TRIM37: variants seen among roughly 807,000 people sequenced by gnomAD.
TRIM37 encodes tripartite motif containing 37, also known as E3 ubiquitin-protein ligase TRIM37.
A neutral mutation model predicts 129.8 loss-of-function variants in TRIM37; 80 were observed. The ratio of observed to expected loss-of-function variants is 0.62; its 90% CI spans 0.51 to 0.74. TRIM37 has a LOEUF of 0.74. Ranked by LOEUF, TRIM37 falls within the 30% of genes least tolerant of loss-of-function variation. The pLI, the probability that TRIM37 is intolerant of heterozygous loss-of-function variation, is 0.00. For synonymous variants in TRIM37, 389 were observed against 387.1 expected (o/e 1.00, Z -0.06); for missense variants, 1,054 against 1,176.5 (o/e 0.90, Z 1.52).
intron 22 of TRIM37, among the ~76,000 whole-genome samples, chr17:59,009,954 T>C (rs1218401244): frequency 1.3e-5 from 2 of 152,246 alleles, no homozygotes; most frequent in Admixed American, 6.5e-5. Context: ...GAGCTGCCTA[T>C]AAACCTTATC....
intron 21 of TRIM37, among the ~76,000 whole-genome samples, chr17:59,013,301 G>A (rs1163715597): frequency 2.0e-5 from 3 of 151,936 alleles, no homozygotes; most frequent in African/African-American, 4.8e-5. Context: ...CCAGCACCAC[G>A]CCCGGCAATT....
At position 58,998,348 on chromosome 17, in the gene TRIM37, T is replaced by C. The variant is rs1005760604; in HGVS notation, c.*1029A>G. 4 of 985,378 alleles carry C rather than the reference T, an allele frequency of 4.1e-6. No homozygotes were observed. The East Asian group carries it at 3.4e-4, about 84-fold the overall frequency. The allele number at this position is 985,378 out of a possible 1,614,324, so 61.0% of individuals were successfully genotyped here. A position where few individuals can be genotyped will look rare whatever the true frequency, so the allele number is the denominator to read the frequency against. Reference sequence around the variant, plus strand: ...TACAGCAGATGAGATGTCTCTCACATGTATATTTAATTATTCATGCTTTTT... The same window carrying C: ...TACAGCAGATGAGATGTCTCTCACACGTATATTTAATTATTCATGCTTTTT... On this transcript the variant is annotated 3_prime_UTR_variant, in exon 24 of 24. Transcript: ENST00000262294.
At chr17:58,994,126 G>A (rs937897538), downstream of TRIM37, among the ~76,000 whole-genome samples, 1 of 152,120 alleles carries the variant, frequency 6.6e-6, no homozygotes, top group Non-Finnish European at 1.5e-5. Flanking sequence ...GCTTCTGTCA[G>A]AGAAAGGCAT....
downstream of TRIM37, chr17:58,982,252 T>C (rs1299980132): frequency 6.6e-6 from 1 of 152,560 alleles, no homozygotes; most frequent in Non-Finnish European, 1.5e-5. Flanking sequence ...ATTTGATATT[T>C]TGAAACTGTC....
Position 59,032,028 on chromosome 17 carries a change from C to G in TRIM37, c.1816G>C (p.Ala606Pro). The change falls in exon 18 of 24, where the codon GCT becomes CCT. Residue 606 changes from alanine to proline, a missense_variant. Around this residue, in one of 3 missense-constraint regions of TRIM37, gnomAD observed 752 missense variants for 870.8 expected, o/e 0.86. Coordinates refer to ENST00000262294, the MANE Select transcript of TRIM37 (RefSeq NM_015294.6). ...ATGTCTAGTAAACTACTGGTAGCAG[C>G]GGAGCATAAATGTGTTCTTCTTGAT... is the stretch of plus-strand genomic sequence containing the variant. ...RISRRTHLCS[A>P]ATSSLLDIDP... 1.2e-6 allele frequency: 2 copies of G among 1,614,068 alleles called. No homozygotes were observed. Among genetic ancestry groups the G allele is most frequent in the Non-Finnish European group, 1.7e-6 (2 of 1,180,002 alleles).
At chr17:59,017,845 C>T (rs1007900586) in intron 19 of TRIM37, among the ~76,000 whole-genome samples, 11 of 152,024 alleles carry the variant, frequency 7.2e-5, no homozygotes, top group Non-Finnish European at 1.5e-4. Flanking sequence ...GGCTGGGTCT[C>T]GAACACCTGA....
intron 6 of TRIM37, 67 bp downstream of exon 6, chr17:59,081,030 T>C: frequency 1.1e-6 from 1 of 926,818 alleles, no homozygotes; most frequent in Non-Finnish European, 1.4e-6. Context: ...TAACTTATAT[T>C]ATATAAATAT....
At chr17:58,978,527 A>G (rs1567899085), downstream of TRIM37, among the ~76,000 whole-genome samples, 1 of 152,106 alleles carries the variant, frequency 6.6e-6, no homozygotes, top group Non-Finnish European at 1.5e-5. Context: ...CCTGGCCAAT[A>G]TGGTGAAACC....
chr17:59,105,489 A>C (rs1354647343), intron 1 of TRIM37, among the ~76,000 whole-genome samples: 1 of 152,242 alleles, frequency 6.6e-6, no homozygotes, highest in East Asian at 1.9e-4. Flanking sequence ...TTAACAAGAA[A>C]AAGGATACAA....
chr17:59,023,271 T>C (rs990628339), intron 19 of TRIM37, among the ~76,000 whole-genome samples: 3 of 151,354 alleles, frequency 2.0e-5, no homozygotes, highest in Non-Finnish European at 4.4e-5. Flanking sequence ...AGACATGGGG[T>C]TTCTCCATGT....
At chr17:59,067,068 C>T (rs1052578761) in intron 9 of TRIM37, among the ~76,000 whole-genome samples, 1 of 152,130 alleles carries the variant, frequency 6.6e-6, no homozygotes, top group Non-Finnish European at 1.5e-5. Context: ...GAGACGCAGT[C>T]TCGCTCTGTC....
intron 22 of TRIM37, 45 bp from the exon 23 acceptor site, chr17:59,001,759 T>G: frequency 1.2e-6 from 2 of 1,609,878 alleles, no homozygotes; most frequent in Non-Finnish European, 1.7e-6. Context: ...GAAACCACTG[T>G]AAGTAAAAGG....
intron 13 of TRIM37, among the ~76,000 whole-genome samples, chr17:59,056,472 G>A (rs1375682939): frequency 1.3e-5 from 2 of 152,024 alleles, no homozygotes; most frequent in Admixed American, 6.6e-5. Flanking sequence ...GCTCACGCCT[G>A]TAATCCCAGC....
intron 20 of TRIM37, among the ~76,000 whole-genome samples, chr17:59,016,896 A>T (rs183385962): frequency 1.4e-4 from 22 of 152,264 alleles, no homozygotes; most frequent in African/African-American, 5.1e-4. Flanking sequence ...CTTTCCAGCC[A>T]GGTGTGGTGG....
intron 2 of TRIM37, among the ~76,000 whole-genome samples, chr17:59,103,387 G>C (rs2045697241): frequency 6.6e-6 from 1 of 151,978 alleles, no homozygotes; most frequent in Non-Finnish European, 1.5e-5. Flanking sequence ...TGTCACCCAG[G>C]CTGGAGTGCA....
chr17:59,039,606 A>G lies in TRIM37; in HGVS notation c.1753+2207T>C, dbSNP rs141469344. Among the ~76,000 whole-genome samples the G allele has an allele frequency of 5.3e-5, 8 of 150,866 alleles. 1 individual carries two copies. The highest frequency in any genetic ancestry group is 2.1e-4 in the South Asian group (1 of 4,750). On this transcript the variant is annotated intron_variant, in intron 17 of 23. Coordinates refer to ENST00000262294, the MANE Select transcript of TRIM37 (RefSeq NM_015294.6). The stretch of plus-strand genomic sequence containing the variant: ...GTGATCCACCCACCTCGGCCTCCCA[A>G]CGTGCTGGGATTACAGGTGTGAGCC...
At chr17:59,037,841 T>C (rs1437130538) in intron 17 of TRIM37, among the ~76,000 whole-genome samples, 1 of 152,130 alleles carries the variant, frequency 6.6e-6, no homozygotes, top group East Asian at 1.9e-4. Flanking sequence ...CTGAAATACA[T>C]TTAGTTGCTC....
intron 17 of TRIM37, among the ~76,000 whole-genome samples, chr17:59,035,835 G>C (rs1410951387): frequency 6.6e-6 from 1 of 152,098 alleles, no homozygotes. Context: ...TAAAAAGACA[G>C]ACGGATCGGT....
At chr17:59,006,513 G>A (rs1450856661) in intron 22 of TRIM37, among the ~76,000 whole-genome samples, 1 of 152,080 alleles carries the variant, frequency 6.6e-6, no homozygotes, top group Non-Finnish European at 1.5e-5. Context: ...TTCTCCTTTC[G>A]AAGAGGACCC....
Sources: allele counts gnomAD v4.1 joint callset (sites outside exome capture counted in the v4.1 genomes callset), GRCh38; gene constraint gnomAD v4.1.1; regional missense constraint gnomAD v4.1.1; transcripts MANE v1.5; gene names NCBI Gene and HGNC (gene_info 2026-07-23, HGNC 2026-07-21).